Variants in ST8SIA1 observed in about 807,000 individuals in gnomAD.
ST8SIA1 encodes the protein alpha-N-acetylneuraminide alpha-2,8-sialyltransferase.
In ST8SIA1, 16 loss-of-function variants were observed where a neutral mutation model predicts 35.9. The observed-to-expected ratio is 0.45, with a 90% CI of 0.30 to 0.68. The LOEUF (loss-of-function observed/expected upper bound fraction) is 0.68. Ranked by LOEUF, ST8SIA1 falls within the 30% of genes least tolerant of loss-of-function variation. The pLI is 0.09. For synonymous variants in ST8SIA1, 170 were observed against 169.6 expected, an observed-to-expected ratio of 1.00 and a Z score of -0.02; for missense variants, 383 against 453.6, an observed-to-expected ratio of 0.84 and a Z score of 1.41.
Position 22,198,522 on chromosome 12 carries a change from T to TACACACACACACACACAC in ST8SIA1, c.*3012_*3029dup, listed in dbSNP as rs3063791. On this transcript the variant is annotated 3_prime_UTR_variant, in exon 5 of 5. Coordinates refer to ENST00000396037, the MANE Select transcript of ST8SIA1 (RefSeq NM_003034.4). Reference sequence around the variant, plus strand: ...AGGATAGAGATGCCTAACTTCATGCTACACACACACACACACACACACACA... The same window carrying TACACACACACACACACAC: ...AGGATAGAGATGCCTAACTTCATGCTACACACACACACACACACACACACACACACACACACACACACA... 5.3e-5 allele frequency: 7 copies of TACACACACACACACACAC among 132,982 alleles called. No individual in the cohort carries two copies. The highest frequency in any genetic ancestry group is 3.8e-4 in the Admixed American group (5 of 13,290). The allele number at this position is 132,982 out of a possible 1,614,324, so 8.2% of individuals were successfully genotyped here.
At chr12:22,273,339 C>A (rs2135807679) in intron 2 of ST8SIA1, among the ~76,000 whole-genome samples, 1 of 152,336 alleles carries the variant, frequency 6.6e-6, no homozygotes, top group Middle Eastern at 3.4e-3. Flanking sequence ...TGAGTGGCAT[C>A]TTTGCTTTGA....
Position 22,334,325 on chromosome 12 carries a change from GC to G in ST8SIA1, c.-94del. On this transcript the variant is annotated 5_prime_UTR_variant, in exon 1 of 5. Transcript: ENST00000396037. ...GGGTCCCCCACCGCCAGCCCCCCAT[GC>G]ACACACACCTTTGGTTCTCTTACTT... 2 of 934,270 alleles carry G rather than the reference GC, an allele frequency of 2.1e-6. No individual in the cohort carries two copies. The highest frequency in any genetic ancestry group is 3.2e-6 in the Non-Finnish European group (2 of 617,498). 57.9% of individuals were successfully genotyped at this position (934,270 alleles called of 1,614,324 possible).
At chr12:22,248,715 C>T in intron 4 of ST8SIA1, 1 of 258,172 alleles carries the variant, frequency 3.9e-6, no homozygotes, top group Non-Finnish European at 7.3e-6. Flanking sequence ...TGAAAAGTAG[C>T]AGTAATGAGT....
In ST8SIA1 at chr12:22,234,250, ACT is replaced by A. The variant is rs573865882; in HGVS notation, c.584+14754_584+14755del. The stretch of plus-strand genomic sequence containing the variant: ...ACTCCAGCCTGAGTGACAGATCAAA[ACT>A]CTGTCTCAAAAAAAAAAAAAGATAT... On this transcript the variant is annotated intron_variant, in intron 4 of 4. Transcript: ENST00000396037. Among the ~76,000 whole-genome samples the A allele has an allele frequency of 7.7e-3, 983 of 128,252 alleles. 10 individuals are homozygous for A. Among genetic ancestry groups the A allele is most frequent in the African/African-American group, 0.025 (904 of 35,642 alleles). The allele number at this position is 128,252 out of a possible 152,430, so 84.1% of individuals were successfully genotyped here.
chr12:22,255,231 G>T, intron 3 of ST8SIA1, 49 bp downstream of exon 3: 2 of 1,474,326 alleles, frequency 1.4e-6, no homozygotes, highest in Non-Finnish European at 1.9e-6. Context: ...TGGGAGGGGT[G>T]GGGAAAAGGA....
At chr12:22,299,544 T>A (rs1866292348) in intron 1 of ST8SIA1, among the ~76,000 whole-genome samples, 1 of 152,116 alleles carries the variant, frequency 6.6e-6, no homozygotes, top group East Asian at 1.9e-4. Flanking sequence ...GTATAGAGTA[T>A]AAATCCAATA....
chr12:22,255,742 C>G (rs1865722052), intron 2 of ST8SIA1, among the ~76,000 whole-genome samples: 1 of 151,938 alleles, frequency 6.6e-6, no homozygotes, highest in African/African-American at 2.4e-5. Context: ...AAGCTGGAAA[C>G]AAATGAGCTC....
chr12:22,229,807 A>G (rs1865397356), intron 4 of ST8SIA1, among the ~76,000 whole-genome samples: 1 of 152,128 alleles, frequency 6.6e-6, no homozygotes, highest in African/African-American at 2.4e-5. Flanking sequence ...GTAGACACAT[A>G]GCTGTCTGAA....
chr12:22,199,418 TA>T lies in ST8SIA1; in HGVS notation c.*2133del, dbSNP rs1043391130. 2 of 152,186 alleles carry T rather than the reference TA, an allele frequency of 1.3e-5. No individual in the cohort carries two copies. The highest frequency in any genetic ancestry group is 4.8e-5 in the African/African-American group (2 of 41,454). 9.4% of individuals were successfully genotyped at this position (152,186 alleles called of 1,614,324 possible). A position where few individuals can be genotyped will look rare whatever the true frequency, so the allele number is the denominator to read the frequency against. The stretch of plus-strand genomic sequence containing the variant: ...TTTTATATTTTTAATGGTAGACTAG[TA>T]AAAATGTATTCTTTTTTAGGTAACT... On this transcript the variant is annotated 3_prime_UTR_variant, in exon 5 of 5. Coordinates refer to ENST00000396037, the MANE Select transcript of ST8SIA1 (RefSeq NM_003034.4).
At chr12:22,212,913 T>A (rs1865190152) in intron 4 of ST8SIA1, among the ~76,000 whole-genome samples, 1 of 152,304 alleles carries the variant, frequency 6.6e-6, no homozygotes, top group South Asian at 2.1e-4. Flanking sequence ...TAACCAGAAG[T>A]CACAAGATTT....
chr12:22,239,432 T>A (rs1865514387), intron 4 of ST8SIA1, among the ~76,000 whole-genome samples: 1 of 152,178 alleles, frequency 6.6e-6, no homozygotes, highest in Non-Finnish European at 1.5e-5. Flanking sequence ...TCACAAATTC[T>A]CTCTCCAGTT....
At position 22,332,673 on chromosome 12, in the gene ST8SIA1, A is replaced by G. The variant is rs1020756862; in HGVS notation, c.236+1324T>C. Reference sequence around the variant, plus strand: ...AGGGAGAAGGAAAGTCCTCCCTTCCAAGGAGAATGCAGTTGCCTTCCTCTA... The same window carrying G: ...AGGGAGAAGGAAAGTCCTCCCTTCCGAGGAGAATGCAGTTGCCTTCCTCTA... On this transcript the variant is annotated intron_variant, in intron 1 of 4. Transcript: ENST00000396037. Among the ~76,000 whole-genome samples, 242 of 152,232 alleles carry G rather than the reference A, an allele frequency of 1.6e-3. 1 individual carries two copies. Among genetic ancestry groups the G allele is most frequent in the African/African-American group, 5.7e-3 (237 of 41,472 alleles).
At chr12:22,214,749 A>G (rs1463564412) in intron 4 of ST8SIA1, among the ~76,000 whole-genome samples, 1 of 152,248 alleles carries the variant, frequency 6.6e-6, no homozygotes, top group African/African-American at 2.4e-5. Flanking sequence ...AAGATCTATA[A>G]TTAAATTACA....
chr12:22,266,848 T>TACACACACAC (rs145606826), intron 2 of ST8SIA1, among the ~76,000 whole-genome samples: 2,165 of 144,992 alleles, frequency 0.015, 58 homozygotes, highest in African/African-American at 0.051. Flanking sequence ...CACAAAAGTA[T>TACACACACAC]ACACACACAC....
chr12:22,253,112 G>A (rs1865692356), intron 3 of ST8SIA1, among the ~76,000 whole-genome samples: 1 of 152,164 alleles, frequency 6.6e-6, no homozygotes, highest in Admixed American at 6.5e-5. Context: ...TGCCACAATG[G>A]GAAGGGCCTG....
chr12:22,332,125 A>C (rs1189424257), intron 1 of ST8SIA1, among the ~76,000 whole-genome samples: 1 of 152,186 alleles, frequency 6.6e-6, no homozygotes, highest in Non-Finnish European at 1.5e-5. Flanking sequence ...TATTTCAATA[A>C]GCAATGGTGC....
At chr12:22,331,117 A>C (rs1453406131) in intron 1 of ST8SIA1, among the ~76,000 whole-genome samples, 1 of 152,240 alleles carries the variant, frequency 6.6e-6, no homozygotes, top group Non-Finnish European at 1.5e-5. Flanking sequence ...AGCTAGAAGA[A>C]GAAAATTACA....
At chr12:22,292,296 G>C (rs1866186550) in intron 1 of ST8SIA1, among the ~76,000 whole-genome samples, 1 of 151,970 alleles carries the variant, frequency 6.6e-6, no homozygotes, top group South Asian at 2.1e-4. Flanking sequence ...CCTCTTCCCT[G>C]CTTTATTCTT....
chr12:22,253,321 C>T (rs145206432), intron 3 of ST8SIA1, among the ~76,000 whole-genome samples: 42 of 152,290 alleles, frequency 2.8e-4, no homozygotes, highest in African/African-American at 1.0e-3. Flanking sequence ...TCAGGACTCC[C>T]TGCTCTTCTC....
Sources: allele counts gnomAD v4.1 joint callset (sites outside exome capture counted in the v4.1 genomes callset), GRCh38; gene constraint gnomAD v4.1.1; transcripts MANE v1.5; gene names NCBI Gene and HGNC (gene_info 2026-07-23, HGNC 2026-07-21).